The following RBFOX1 variants were observed in gnomAD, a reference collection of about 807,000 sequenced individuals.
RBFOX1 encodes the protein RNA binding fox-1 homolog 1.
A neutral mutation model predicts 57.7 loss-of-function variants in RBFOX1; 8 were observed. That is an observed-to-expected ratio of 0.14 (90% CI 0.08 to 0.25). The LOEUF (loss-of-function observed/expected upper bound fraction) is 0.25. RBFOX1 is among the 10% of genes least tolerant of loss of function. The pLI is 1.00. For synonymous variants in RBFOX1, 326 were observed against 222.4 expected (o/e 1.47, Z -4.15); for missense variants, 611 against 548.5 (o/e 1.11, Z -1.14).
intron 4 of RBFOX1, among the ~76,000 whole-genome samples, chr16:7,121,011 C>A (rs558063248): frequency 1.3e-5 from 2 of 151,778 alleles, no homozygotes; most frequent in East Asian, 1.9e-4. Context: ...AGAAAACTAA[C>A]ACATGACCCT....
intron 1 of RBFOX1, among the ~76,000 whole-genome samples, chr16:5,429,792 A>G (rs1394688561): frequency 6.6e-6 from 1 of 152,176 alleles, no homozygotes; most frequent in African/African-American, 2.4e-5. Context: ...TGATGGAGTG[A>G]TTTAGTAATC....
chr16:5,317,019 G>A (rs1355556545), intron 1 of RBFOX1, among the ~76,000 whole-genome samples: 1 of 152,164 alleles, frequency 6.6e-6, no homozygotes, highest in Non-Finnish European at 1.5e-5. Flanking sequence ...AGAACTCCAG[G>A]TTCTGGAGCC....
At chr16:6,394,666 T>C (rs970410502) in intron 2 of RBFOX1, among the ~76,000 whole-genome samples, 1 of 151,236 alleles carries the variant, frequency 6.6e-6, no homozygotes, top group African/African-American at 2.4e-5. Flanking sequence ...ATATATATGA[T>C]ATATATGATA....
At chr16:7,144,196 A>C (rs1022174461) in intron 4 of RBFOX1, among the ~76,000 whole-genome samples, 2 of 152,054 alleles carry the variant, frequency 1.3e-5, no homozygotes, top group African/African-American at 2.4e-5. Flanking sequence ...GATAGACTCC[A>C]TTTCTCCTCT....
intron 6 of RBFOX1, among the ~76,000 whole-genome samples, chr16:7,582,843 T>C (rs912189166): frequency 6.6e-6 from 1 of 152,134 alleles, no homozygotes; most frequent in Admixed American, 6.5e-5. Flanking sequence ...TTGTTAAATA[T>C]AGGCATGGGA....
chr16:6,083,981 A>G (rs1018675562), intron 1 of RBFOX1, among the ~76,000 whole-genome samples: 1 of 152,212 alleles, frequency 6.6e-6, no homozygotes, highest in African/African-American at 2.4e-5. Flanking sequence ...TTATTCAAAA[A>G]TGATGTCAAA....
intron 3 of RBFOX1, among the ~76,000 whole-genome samples, chr16:6,926,085 C>G (rs941251607): frequency 6.6e-6 from 1 of 151,950 alleles, no homozygotes; most frequent in Non-Finnish European, 1.5e-5. Flanking sequence ...GTGGGTTGAT[C>G]ACTTGAGGTC....
At chr16:7,292,642 C>T (rs565709148) in intron 4 of RBFOX1, among the ~76,000 whole-genome samples, 6 of 151,234 alleles carry the variant, frequency 4.0e-5, no homozygotes, top group South Asian at 4.2e-4. Context: ...TGATGCCAAG[C>T]GAGAGTTTTT....
chr16:7,316,987 A>AACAC (rs1318937054), intron 4 of RBFOX1, among the ~76,000 whole-genome samples: 1 of 45,858 alleles, frequency 2.2e-5, no homozygotes, highest in South Asian at 8.4e-4. Flanking sequence ...CACACACACA[A>AACAC]ACACACACAC....
intron 14 of RBFOX1, among the ~76,000 whole-genome samples, chr16:7,695,151 G>C (rs1184173203): frequency 6.6e-6 from 1 of 152,094 alleles, no homozygotes; most frequent in Non-Finnish European, 1.5e-5. Context: ...GATTGAGAGA[G>C]ATATCCCTAG....
At chr16:7,436,591 A>C (rs1276087705) in intron 4 of RBFOX1, among the ~76,000 whole-genome samples, 4 of 152,184 alleles carry the variant, frequency 2.6e-5, no homozygotes, top group African/African-American at 9.7e-5. Context: ...AGGCTCCATG[A>C]GGTTAAAGGA....
intron 1 of RBFOX1, among the ~76,000 whole-genome samples, chr16:6,160,209 A>G (rs2096867902): frequency 6.6e-6 from 1 of 152,150 alleles, no homozygotes; most frequent in South Asian, 2.1e-4. Flanking sequence ...TAGGAGTGCC[A>G]TTTTAGGGAG....
intron 1 of RBFOX1, among the ~76,000 whole-genome samples, chr16:5,365,448 A>G (rs2065684463): frequency 6.6e-6 from 1 of 152,188 alleles, no homozygotes; most frequent in Non-Finnish European, 1.5e-5. Flanking sequence ...TGGGAGGAAC[A>G]CATGAGGCCA....
chr16:6,108,451 A>AAATGCTACCCT (rs2096407832), intron 1 of RBFOX1, among the ~76,000 whole-genome samples: 1 of 152,242 alleles, frequency 6.6e-6, no homozygotes, highest in Non-Finnish European at 1.5e-5. Context: ...CCTGTCACAC[A>AAATGCTACCCT]GTAAATGCTG....
intron 1 of RBFOX1, among the ~76,000 whole-genome samples, chr16:5,248,252 A>G (rs1490757280): frequency 2.0e-5 from 3 of 152,236 alleles, no homozygotes; most frequent in East Asian, 3.9e-4. Context: ...ATGTCTAAGC[A>G]TGCATATTTA....
intron 2 of RBFOX1, among the ~76,000 whole-genome samples, chr16:6,549,156 G>A (rs529582548): frequency 1.2e-4 from 3 of 24,512 alleles, no homozygotes; most frequent in Non-Finnish European, 2.4e-4. Flanking sequence ...GAAGGAGGAG[G>A]GGGGGGGAAG....
chr16:7,161,239 G>A (rs1432471725), intron 4 of RBFOX1, among the ~76,000 whole-genome samples: 3 of 152,218 alleles, frequency 2.0e-5, no homozygotes, highest in Admixed American at 2.0e-4. Flanking sequence ...TGGAGAAAGA[G>A]TGCTATGATT....
chr16:6,634,787 AAG>A (rs2098418505), intron 2 of RBFOX1, among the ~76,000 whole-genome samples: 2 of 137,496 alleles, frequency 1.5e-5, no homozygotes, highest in African/African-American at 5.4e-5. Context: ...ATATAATACA[AAG>A]ATATACATAT....
At chr16:6,848,139 T>G (rs1435860205) in intron 3 of RBFOX1, among the ~76,000 whole-genome samples, 1 of 152,042 alleles carries the variant, frequency 6.6e-6, no homozygotes, top group Non-Finnish European at 1.5e-5. Context: ...GATCCAAGAC[T>G]GTCTAATGCT....
Sources: allele counts gnomAD v4.1 joint callset (sites outside exome capture counted in the v4.1 genomes callset), GRCh38; gene constraint gnomAD v4.1.1; transcripts MANE v1.5; gene names NCBI Gene and HGNC (gene_info 2026-07-23, HGNC 2026-07-21).